Variants in COMMD1 observed in about 807,000 individuals in gnomAD.
COMMD1 encodes the protein COMM domain-containing protein 1.
A neutral mutation model predicts 17.2 loss-of-function variants in COMMD1; 10 were observed. That is an observed-to-expected ratio of 0.58 (90% CI 0.36 to 0.99). The LOEUF (loss-of-function observed/expected upper bound fraction) is 0.99, where lower values mean the gene tolerates loss of function less well. Among genes scored for constraint, COMMD1 ranks in the 50% least tolerant of loss-of-function variants. COMMD1 has a pLI of 0.01. For synonymous variants in COMMD1, 97 were observed against 91.6 expected (o/e 1.06, Z -0.34); for missense variants, 270 against 231.8 (o/e 1.17, Z -1.07).
chr2:61,950,265 C>G (rs955708638), intron 1 of COMMD1, among the ~76,000 whole-genome samples: 8 of 152,224 alleles, frequency 5.3e-5, no homozygotes, highest in African/African-American at 1.9e-4. Context: ...GCAGGAAATC[C>G]CAGCCATCCC....
chr2:61,888,749 G>T, exon 1 of COMMD1: 1 of 538,394 alleles, frequency 1.9e-6, no homozygotes, highest in South Asian at 2.3e-5. Flanking sequence ...CTCCGGGCTG[G>T]CGAGATTGTA....
chr2:61,918,030 A>C (rs923076612), intron 1 of COMMD1, among the ~76,000 whole-genome samples: 39 of 152,124 alleles, frequency 2.6e-4, no homozygotes, highest in African/African-American at 8.9e-4. Flanking sequence ...CTGTTTTTCT[A>C]CTGTAGGTGG....
At chr2:62,083,531 C>G (rs889218067) in intron 2 of COMMD1, among the ~76,000 whole-genome samples, 2 of 152,244 alleles carry the variant, frequency 1.3e-5, no homozygotes, top group Non-Finnish European at 2.9e-5. Context: ...CTCTGTCTCT[C>G]TCTTTCTCTC....
intron 1 of COMMD1, among the ~76,000 whole-genome samples, chr2:61,960,059 G>C (rs1222073362): frequency 2.6e-5 from 4 of 152,194 alleles, no homozygotes; most frequent in Admixed American, 1.3e-4. Context: ...ACTGGGGCTT[G>C]TCTAGTTTTG....
At chr2:61,899,836 T>C (rs776062776) in intron 1 of COMMD1, among the ~76,000 whole-genome samples, 2 of 152,172 alleles carry the variant, frequency 1.3e-5, no homozygotes, top group Non-Finnish European at 2.9e-5. Context: ...CCCACCCAGC[T>C]AATTTTTGTA....
intron 1 of COMMD1, among the ~76,000 whole-genome samples, chr2:61,916,400 C>T (rs1670052664): frequency 6.6e-6 from 1 of 152,046 alleles, no homozygotes; most frequent in Non-Finnish European, 1.5e-5. Flanking sequence ...GTATACTGTA[C>T]ATAACTTTCT....
At chr2:62,079,369 TG>T (rs969139627) in intron 2 of COMMD1, among the ~76,000 whole-genome samples, 3 of 152,240 alleles carry the variant, frequency 2.0e-5, no homozygotes, top group Non-Finnish European at 2.9e-5. Flanking sequence ...TACTGTATTT[TG>T]CAAGAATCAA....
At chr2:61,923,622 G>A (rs1670251666) in intron 1 of COMMD1, among the ~76,000 whole-genome samples, 1 of 152,136 alleles carries the variant, frequency 6.6e-6, no homozygotes, top group Non-Finnish European at 1.5e-5. Flanking sequence ...AGGTCACTGT[G>A]AACCATGTGA....
chr2:61,898,370 G>GGAGGTTGAGGCAGAAGGA (rs1669593779), intron 1 of COMMD1, among the ~76,000 whole-genome samples: 2 of 152,188 alleles, frequency 1.3e-5, no homozygotes, highest in African/African-American at 2.4e-5. Context: ...CATCTATGCG[G>GGAGGTTGAGGCAGAAGGA]GAGGTTGAGG....
At chr2:61,979,396 G>A (rs1393432898) in intron 1 of COMMD1, among the ~76,000 whole-genome samples, 1 of 152,112 alleles carries the variant, frequency 6.6e-6, no homozygotes, top group African/African-American at 2.4e-5. Context: ...AGAATCACTT[G>A]AACCTGGGAG....
intron 2 of COMMD1, among the ~76,000 whole-genome samples, chr2:62,059,410 C>T (rs1670794646): frequency 6.6e-6 from 1 of 152,196 alleles, no homozygotes; most frequent in Admixed American, 6.5e-5. Context: ...CCCACCTTGG[C>T]CTCCCAAGGT....
intron 1 of COMMD1, among the ~76,000 whole-genome samples, chr2:61,923,312 G>A (rs1311255001): frequency 2.6e-5 from 4 of 152,102 alleles, no homozygotes; most frequent in Non-Finnish European, 5.9e-5. Flanking sequence ...GTGATAAATA[G>A]TGCTTAATTC....
At chr2:62,093,776 C>T (rs1305301014) in intron 2 of COMMD1, among the ~76,000 whole-genome samples, 1 of 152,100 alleles carries the variant, frequency 6.6e-6, no homozygotes, top group Non-Finnish European at 1.5e-5. Context: ...ACTTGGTGCC[C>T]ATTTCATATG....
intron 1 of COMMD1, among the ~76,000 whole-genome samples, chr2:61,951,709 ATCAACATGATAT>A (rs1375534249): frequency 6.6e-6 from 1 of 152,162 alleles, no homozygotes; most frequent in South Asian, 2.1e-4. Context: ...CCACGAAACT[ATCAACATGATAT>A]TCAACATGAT....
chr2:62,064,956 C>G (rs1005488110), intron 2 of COMMD1, among the ~76,000 whole-genome samples: 17 of 152,094 alleles, frequency 1.1e-4, no homozygotes, highest in African/African-American at 4.1e-4. Flanking sequence ...TGCTTGAATC[C>G]AGGAGTTCCA....
At chr2:61,991,198 G>T (rs1672245110) in intron 1 of COMMD1, among the ~76,000 whole-genome samples, 1 of 151,890 alleles carries the variant, frequency 6.6e-6, no homozygotes, top group Non-Finnish European at 1.5e-5. Flanking sequence ...TGAGCCCCTT[G>T]CTAATTTGCT....
chr2:61,967,305 G>T (rs749007092), intron 1 of COMMD1, among the ~76,000 whole-genome samples: 1 of 151,988 alleles, frequency 6.6e-6, no homozygotes, highest in Non-Finnish European at 1.5e-5. Context: ...CATACAATCC[G>T]ATTATTTTAT....
intron 2 of COMMD1, among the ~76,000 whole-genome samples, chr2:62,053,859 A>G (rs971243746): frequency 6.6e-6 from 1 of 152,260 alleles, no homozygotes; most frequent in Non-Finnish European, 1.5e-5. Flanking sequence ...AAAATAGACA[A>G]ATGGAACTTA....
intron 1 of COMMD1, 151 bp from the exon 2 acceptor site, chr2:62,000,550 C>T (rs1668900625): frequency 1.3e-6 from 1 of 776,222 alleles, no homozygotes; most frequent in Non-Finnish European, 2.1e-6. Flanking sequence ...CCTCTGCCTC[C>T]CAAAGTGCTG....
Sources: gnomAD v4.1 joint callset for allele counts (sites outside exome capture counted in the v4.1 genomes callset) on GRCh38, gnomAD v4.1.1 for gene constraint, MANE v1.5 for transcripts, NCBI Gene and HGNC (gene_info 2026-07-23, HGNC 2026-07-21) for gene names.